SLC19A1: variants seen among roughly 807,000 people sequenced by gnomAD.
SLC19A1 encodes the protein reduced folate transporter.
In SLC19A1, 37 loss-of-function variants were observed where a neutral mutation model predicts 35.3. That is an observed-to-expected ratio of 1.05 (90% CI 0.81 to 1.38). SLC19A1 has a LOEUF of 1.38. Among genes scored for constraint, SLC19A1 ranks in the 40% most tolerant of loss-of-function variants. The pLI is 0.00. For missense variants in SLC19A1, 831 were observed against 826.9 expected, an observed-to-expected ratio of 1.00 and a Z score of -0.06; for synonymous variants, 460 against 398.5, an observed-to-expected ratio of 1.15 and a Z score of -1.84.
upstream of SLC19A1, among the ~76,000 whole-genome samples, chr21:45,543,271 G>T (rs1372566280): frequency 6.6e-6 from 1 of 152,084 alleles, no homozygotes; most frequent in African/African-American, 2.4e-5. Flanking sequence ...ACGGGGAGAA[G>T]TGGGGGGCCT....
chr21:45,508,055 A>G (rs1602635878), downstream of SLC19A1, among the ~76,000 whole-genome samples: 1 of 138,910 alleles, frequency 7.2e-6, no homozygotes, highest in Admixed American at 7.1e-5. Context: ...GTAGATGGGG[A>G]GGTGGATGGA....
chr21:45,532,102 A>C lies in SLC19A1; in HGVS notation c.236T>G (p.Val79Gly). 6.2e-7 allele frequency: 1 copy of C among 1,611,694 alleles called. No homozygotes were observed. The highest frequency in any genetic ancestry group is 1.1e-5 in the South Asian group (1 of 90,984). ...TPVLSYSYLA[V>G]LVPVFLLTDY... ...GGTGAGCAGGAACACGGGCACCAGCACGGCCAGGTAGGAGTACGACAGCAC... is the reference window on the plus strand; with the variant it reads ...GGTGAGCAGGAACACGGGCACCAGCCCGGCCAGGTAGGAGTACGACAGCAC... The change falls in exon 3 of 6, where the codon GTG (valine) becomes GGG (glycine). Residue 79 changes from valine (V) to glycine (G), a missense_variant. Physicochemically the swap from Val to Gly is moderately radical, Grantham distance 109 (BLOSUM62 -3). Coordinates refer to ENST00000311124, the MANE Select transcript of SLC19A1 (RefSeq NM_194255.4).
chr21:45,537,593 C>CTGCCCACCCACTGG (rs2078161007), intron 2 of SLC19A1, among the ~76,000 whole-genome samples, 178 bp downstream of exon 2: 2 of 76,906 alleles, frequency 2.6e-5, no homozygotes, highest in Admixed American at 1.4e-4. Flanking sequence ...AAGCTGCTCC[C>CTGCCCACCCACTGG]CGCCCACCCA....
In SLC19A1 at chr21:45,530,864, G is replaced by C; in HGVS notation, c.1057C>G (p.Leu353Val). ...TATQAGLVFLLAHTRHPSSIW... is the reference protein window; with the variant it reads ...TATQAGLVFLVAHTRHPSSIW... ...CTGCTCGGGTGGCGCGTGTGCGCCA[G>C]AAGGAAGACCAGCCCCGCCTGCGTG... The change falls in exon 4 of 6, where the codon CTG (leucine) becomes GTG (valine). Residue 353 changes from leucine to valine, a missense_variant. Transcript: ENST00000311124. The surrounding 1 kb of genome is among the most constrained non-coding windows in gnomAD (Gnocchi z 5.3). 2 of 1,493,824 alleles carry C rather than the reference G, an allele frequency of 1.3e-6. No individual in the cohort carries two copies. Among genetic ancestry groups the C allele is most frequent in the Non-Finnish European group, 1.8e-6 (2 of 1,121,786 alleles). 92.5% of individuals were successfully genotyped at this position (1,493,824 alleles called of 1,614,324 possible).
rs765124782 is a variant in SLC19A1, at chr21:45,530,963, T to C, written c.958A>G (p.Thr320Ala). The C allele has an allele frequency of 9.8e-6, 14 of 1,422,426 alleles. No individual in the cohort carries two copies. In the South Asian group the frequency reaches 1.8e-4, roughly 18 times the overall value. The allele number at this position is 1,422,426 out of a possible 1,614,324, so 88.1% of individuals were successfully genotyped here. Residue 320 changes from threonine to alanine, a missense_variant, in exon 4 of 6, where the codon ACG becomes GCG. Physicochemically the swap from Thr to Ala is moderately conservative, Grantham distance 58. Coordinates refer to ENST00000311124, the MANE Select transcript of SLC19A1 (RefSeq NM_194255.4). This position sits in a 1 kb window ranked among gnomAD's most constrained non-coding sequence, Gnocchi z 5.3. ...TTCACGAAGCCCGCGGCGAAGGACGTGATGGCGCCTGAGAGGGGAGGGATG... is the reference window on the plus strand; with the variant it reads ...TTCACGAAGCCCGCGGCGAAGGACGCGATGGCGCCTGAGAGGGGAGGGATG... ...DAASTLLGAI[T>A]SFAAGFVKIR...
chr21:45,510,147 G>T (rs372559352), downstream of SLC19A1: 3 of 1,599,222 alleles, frequency 1.9e-6, no homozygotes, highest in East Asian at 4.6e-5. Flanking sequence ...TCCAGCAGGC[G>T]CGGGCCGTGG....
chr21:45,537,131 C>T (rs773270345), intron 2 of SLC19A1, among the ~76,000 whole-genome samples: 2 of 152,206 alleles, frequency 1.3e-5, no homozygotes, highest in Non-Finnish European at 2.9e-5. Flanking sequence ...TGGACGTGGG[C>T]TTCCTCACCA....
chr21:45,554,559 C>T (rs1368270669), intron 1 of SLC19A1, among the ~76,000 whole-genome samples: 9 of 127,782 alleles, frequency 7.0e-5, no homozygotes, highest in Admixed American at 6.4e-4. Flanking sequence ...AGTGGAACCA[C>T]GCACAGGGGG....
upstream of SLC19A1, chr21:45,544,428 G>A (rs536702973): frequency 1.5e-3 from 227 of 155,766 alleles, no homozygotes; most frequent in Non-Finnish European, 2.7e-3. Flanking sequence ...AGACAGTGGG[G>A]CGTGGGCTTC....
intron 1 of SLC19A1, among the ~76,000 whole-genome samples, chr21:45,558,061 C>T (rs1219865786): frequency 1.3e-5 from 2 of 152,242 alleles, no homozygotes; most frequent in African/African-American, 4.8e-5. Context: ...CCGAGTGGCT[C>T]CATATTCAGA....
chr21:45,515,512 G>T lies in SLC19A1; in HGVS notation c.*146C>A. 6.6e-7 allele frequency: 1 copy of T among 1,515,562 alleles called. No individual in the cohort carries two copies. The highest frequency in any genetic ancestry group is 1.3e-5 in the South Asian group (1 of 75,596). The allele number at this position is 1,515,562 out of a possible 1,614,324, so 93.9% of individuals were successfully genotyped here. On this transcript the variant is annotated 3_prime_UTR_variant, in exon 6 of 6. Transcript: ENST00000311124. ...CCAGCACGCTGTGGCCACCGCCAGAGTGCGGCACAGGGCAGGGGGAATCCT... is the reference window on the plus strand; with the variant it reads ...CCAGCACGCTGTGGCCACCGCCAGATTGCGGCACAGGGCAGGGGGAATCCT...
rs1375618283 is a variant in SLC19A1 at position 45,513,862 on chromosome 21, T to G, written c.*1796A>C. On this transcript the variant is annotated 3_prime_UTR_variant, in exon 6 of 6. Transcript: ENST00000311124. ...CACGCACGGTTACATGGGGTATGCA[T>G]GCATGGCCATACACAGGCGTGCAGT... 6 of 152,372 alleles carry G rather than the reference T, an allele frequency of 3.9e-5. No homozygotes were observed. The East Asian group carries it at 1.2e-3, about 29-fold the overall frequency. The allele number at this position is 152,372 out of a possible 1,614,324, so 9.4% of individuals were successfully genotyped here.
At chr21:45,535,216 A>G (rs956466613) in intron 2 of SLC19A1, among the ~76,000 whole-genome samples, 2 of 152,218 alleles carry the variant, frequency 1.3e-5, no homozygotes, top group African/African-American at 4.8e-5. Flanking sequence ...CCCACCACAC[A>G]GCACAGTTCC....
chr21:45,550,916 C>CA (rs2078459083), intron 1 of SLC19A1, among the ~76,000 whole-genome samples: 1 of 18,174 alleles, frequency 5.5e-5, no homozygotes, highest in Non-Finnish European at 7.9e-5. Context: ...GCCCCCCACC[C>CA]TCCCCCCGCC....
intron 3 of SLC19A1, chr21:45,505,927 G>C: frequency 6.2e-7 from 1 of 1,613,220 alleles, no homozygotes; most frequent in Non-Finnish European, 8.5e-7. Context: ...AGCAGGAGGA[G>C]CTCTACGTCC....
intron 1 of SLC19A1, among the ~76,000 whole-genome samples, chr21:45,550,250 C>T (rs1457892988): frequency 6.6e-6 from 1 of 152,162 alleles, no homozygotes; most frequent in East Asian, 1.9e-4. Flanking sequence ...TGGGGAGGCG[C>T]CTCCTGCCTG....
At chr21:45,532,196 G>T in intron 2 of SLC19A1, 48 bp from the exon 3 acceptor site, 1 of 1,488,036 alleles carries the variant, frequency 6.7e-7, no homozygotes, top group Non-Finnish European at 9.1e-7. Flanking sequence ...CAATGCTGCC[G>T]CTGCGGCAGA....
downstream of SLC19A1, chr21:45,509,722 G>A (rs913215427): frequency 4.3e-5 from 31 of 725,662 alleles, 1 homozygote; most frequent in Non-Finnish European, 6.3e-5. Context: ...GTGGGGGTCT[G>A]GCGGCTCAGG....
At chr21:45,528,707 T>C (rs2077737872) in intron 4 of SLC19A1, among the ~76,000 whole-genome samples, 1 of 152,192 alleles carries the variant, frequency 6.6e-6, no homozygotes, top group East Asian at 1.9e-4. Context: ...TTCATCTCAG[T>C]GTTTTCCTCG....
Sources: allele counts gnomAD v4.1 joint callset (sites outside exome capture counted in the v4.1 genomes callset), GRCh38; gene constraint gnomAD v4.1.1; non-coding constraint Gnocchi (gnomAD v3.1); transcripts MANE v1.5; gene names NCBI Gene and HGNC (gene_info 2026-07-23, HGNC 2026-07-21).